SYT10: variants seen among roughly 807,000 people sequenced by gnomAD.
SYT10 encodes the protein synaptotagmin-10.
SYT10 carries 31 observed loss-of-function variants against 51.1 expected under a neutral mutation model. The observed-to-expected ratio is 0.61, with a 90% confidence interval of 0.46 to 0.82. The LOEUF (loss-of-function observed/expected upper bound fraction) is 0.82, where lower values mean the gene tolerates loss of function less well. SYT10 is among the 40% of genes least tolerant of loss of function. The pLI is 0.00. For synonymous variants in SYT10, 233 were observed against 225.9 expected (o/e 1.03, Z -0.28); for missense variants, 603 against 634.0 (o/e 0.95, Z 0.53).
At position 33,439,580 on chromosome 12, in the gene SYT10, C is replaced by T. The variant is rs566448326; in HGVS notation, c.-58G>A. ...CCCAGTTAGCCGTCTTTTCCTCTTC[C>T]CGTACCTCTAACCCCTCTGGCGCCC... On this transcript the variant is annotated 5_prime_UTR_variant, in exon 1 of 7. Transcript: ENST00000228567. The T allele has an allele frequency of 1.3e-6, 2 of 1,586,022 alleles. No homozygotes were observed. Among genetic ancestry groups the T allele is most frequent in the East Asian group, 2.3e-5 (1 of 44,434 alleles).
At chr12:33,380,953 T>A (rs1024328870) in intron 5 of SYT10, among the ~76,000 whole-genome samples, 2 of 152,316 alleles carry the variant, frequency 1.3e-5, no homozygotes, top group African/African-American at 4.8e-5. Context: ...GTAGTATTAT[T>A]TTCTTTAATA....
At chr12:33,380,080 T>G in intron 5 of SYT10, 119 bp from the exon 6 acceptor site, 1 of 1,088,120 alleles carries the variant, frequency 9.2e-7, no homozygotes, top group Non-Finnish European at 1.3e-6. Context: ...ATTTTGCAGA[T>G]TATGCTACTT....
At chr12:33,394,501 A>G (rs546280763) in intron 3 of SYT10, among the ~76,000 whole-genome samples, 3 of 152,208 alleles carry the variant, frequency 2.0e-5, no homozygotes, top group Non-Finnish European at 2.9e-5. Context: ...GATAACAAGA[A>G]GGTGTTTTCT....
Position 33,376,973 on chromosome 12 carries a change from T to C in SYT10, c.1501-72A>G. ...ACACAGTGGTTAGTTGTTGCTCCCT[T>C]TAAATAGTGAATATTCAACCATAAT... is the stretch of plus-strand genomic sequence containing the variant. On this transcript the variant is annotated intron_variant, in intron 6 of 6. Coordinates refer to ENST00000228567, the MANE Select transcript of SYT10 (RefSeq NM_198992.4). 4.1e-6 allele frequency: 6 copies of C among 1,463,522 alleles called. No homozygotes were observed. In the South Asian group the frequency reaches 6.9e-5, roughly 17 times the overall value. The allele number at this position is 1,463,522 out of a possible 1,614,324, so 90.7% of individuals were successfully genotyped here. A position where few individuals can be genotyped will look rare whatever the true frequency, so the allele number is the denominator to read the frequency against.
rs747206620 is a variant in SYT10 at position 33,439,523 on chromosome 12, C to T, written c.-1G>A. ...CTCCGTCCTCCTTGTGGAAACTCATCGTTTGGCTTTTCTTTCGTTTTCTCT... is the reference window on the plus strand; with the variant it reads ...CTCCGTCCTCCTTGTGGAAACTCATTGTTTGGCTTTTCTTTCGTTTTCTCT... On this transcript the variant is annotated 5_prime_UTR_variant, in exon 1 of 7. Coordinates refer to ENST00000228567, the MANE Select transcript of SYT10 (RefSeq NM_198992.4). 9 of 1,612,178 alleles carry T rather than the reference C, an allele frequency of 5.6e-6. No homozygotes were observed. The East Asian group carries it at 6.7e-5, about 12-fold the overall frequency.
chr12:33,429,723 G>C (rs957593584), intron 1 of SYT10, among the ~76,000 whole-genome samples: 1 of 152,160 alleles, frequency 6.6e-6, no homozygotes. Flanking sequence ...ATAGACTGGA[G>C]TTTCTAAATG....
At chr12:33,417,283 T>C (rs1243124833) in intron 2 of SYT10, among the ~76,000 whole-genome samples, 3 of 152,060 alleles carry the variant, frequency 2.0e-5, no homozygotes, top group Non-Finnish European at 4.4e-5. Flanking sequence ...ATTAATGAGT[T>C]AATAGATTTG....
intron 3 of SYT10, among the ~76,000 whole-genome samples, chr12:33,392,004 T>A (rs544490309): frequency 6.3e-4 from 96 of 152,332 alleles, no homozygotes; most frequent in Admixed American, 1.7e-3. Context: ...GTGCAAGTGC[T>A]TGCCCACGTA....
intron 1 of SYT10, among the ~76,000 whole-genome samples, chr12:33,433,309 G>T (rs1043236179): frequency 6.6e-6 from 1 of 152,020 alleles, no homozygotes; most frequent in Non-Finnish European, 1.5e-5. Context: ...GTCACATTTT[G>T]TCTCCAATGC....
intron 3 of SYT10, among the ~76,000 whole-genome samples, chr12:33,388,086 A>G (rs778288003): frequency 2.6e-5 from 4 of 151,148 alleles, no homozygotes; most frequent in Non-Finnish European, 5.9e-5. Context: ...TAGTGAAGAC[A>G]GCAAGTAAAA....
At chr12:33,379,140 C>T (rs889230067) in intron 6 of SYT10, among the ~76,000 whole-genome samples, 9 of 152,046 alleles carry the variant, frequency 5.9e-5, no homozygotes, top group Non-Finnish European at 1.3e-4. Context: ...TCCCTAGTGC[C>T]AGAACAAGAA....
intron 3 of SYT10, among the ~76,000 whole-genome samples, chr12:33,402,863 T>A (rs1866318104): frequency 6.6e-6 from 1 of 152,092 alleles, no homozygotes; most frequent in Non-Finnish European, 1.5e-5. Context: ...GGTCTGATTT[T>A]CCTAGAGTCT....
chr12:33,426,051 C>T, intron 2 of SYT10, 87 bp downstream of exon 2: 2 of 1,363,768 alleles, frequency 1.5e-6, no homozygotes, highest in Non-Finnish European at 2.0e-6. Flanking sequence ...GTTTTTCTCT[C>T]TTATGAAATT....
intron 3 of SYT10, among the ~76,000 whole-genome samples, chr12:33,392,985 T>TAAAAAAAAAAAAAAAAAAAAAAAA (rs71068378): frequency 1.7e-5 from 1 of 59,104 alleles, no homozygotes; most frequent in Non-Finnish European, 2.7e-5. Flanking sequence ...TTTTTGCCAT[T>TAAAAAAAAAAAAAAAAAAAAAAAA]AAAAAAAAAA....
chr12:33,427,478 G>A (rs1016550150), intron 1 of SYT10, among the ~76,000 whole-genome samples: 1 of 152,162 alleles, frequency 6.6e-6, no homozygotes, highest in African/African-American at 2.4e-5. Context: ...GGTGGGTCAA[G>A]ATTCCATCAT....
chr12:33,386,322 A>G (rs1425343862), intron 3 of SYT10, among the ~76,000 whole-genome samples: 1 of 152,162 alleles, frequency 6.6e-6, no homozygotes, highest in Non-Finnish European at 1.5e-5. Flanking sequence ...AGAACGTCAC[A>G]CACATAAGGT....
chr12:33,392,985 TAAAAAAAAAAAA>T (rs71068378), intron 3 of SYT10, among the ~76,000 whole-genome samples: 8 of 59,104 alleles, frequency 1.4e-4, no homozygotes, highest in African/African-American at 3.6e-4. Context: ...TTTTTGCCAT[TAAAAAAAAAAAA>T]AAAAAAAAAA....
chr12:33,404,616 C>G (rs1866335676), intron 3 of SYT10, among the ~76,000 whole-genome samples: 1 of 152,120 alleles, frequency 6.6e-6, no homozygotes, highest in African/African-American at 2.4e-5. Flanking sequence ...TGGTCTTGAA[C>G]TCTTGACCTC....
intron 2 of SYT10, among the ~76,000 whole-genome samples, chr12:33,411,532 G>A (rs1866405092): frequency 6.6e-6 from 1 of 152,036 alleles, no homozygotes; most frequent in Non-Finnish European, 1.5e-5. Context: ...TTTGTAAGGC[G>A]ATTTGTGGTA....
Sources: allele counts gnomAD v4.1 joint callset (sites outside exome capture counted in the v4.1 genomes callset), GRCh38; gene constraint gnomAD v4.1.1; transcripts MANE v1.5; gene names NCBI Gene and HGNC (gene_info 2026-07-23, HGNC 2026-07-21).